PPP2R2C: variants seen among roughly 807,000 people sequenced by gnomAD.
PPP2R2C encodes protein phosphatase 2, regulatory subunit B, gamma.
PPP2R2C carries 10 observed loss-of-function variants against 45.3 expected under a neutral mutation model. The ratio of observed to expected loss-of-function variants is 0.22; its 90% CI spans 0.14 to 0.37. The LOEUF (loss-of-function observed/expected upper bound fraction) is 0.37. PPP2R2C is among the 10% of genes least tolerant of loss of function. The pLI is 1.00. For synonymous variants in PPP2R2C, 257 were observed against 245.4 expected (o/e 1.05, Z -0.44); for missense variants, 308 against 619.7 (o/e 0.50, Z 5.34).
chr4:6,403,691 C>T (rs1188457353), intron 1 of PPP2R2C, among the ~76,000 whole-genome samples: 7 of 152,154 alleles, frequency 4.6e-5, no homozygotes, highest in East Asian at 1.9e-4. Context: ...GGTGAAACCC[C>T]GCCTCTACTA....
At chr4:6,488,112 A>G (rs780432933) in intron 2 of PPP2R2C, among the ~76,000 whole-genome samples, 14 of 152,118 alleles carry the variant, frequency 9.2e-5, no homozygotes, top group Non-Finnish European at 1.9e-4. Flanking sequence ...TGTATGTCCA[A>G]TCTTTCCTCT....
At chr4:6,530,325 T>C (rs1724352779) in intron 2 of PPP2R2C, among the ~76,000 whole-genome samples, 2 of 152,124 alleles carry the variant, frequency 1.3e-5, no homozygotes, top group African/African-American at 4.8e-5. Context: ...TCCGCCATTT[T>C]CCATGCACGC....
At chr4:6,465,793 T>C (rs992226401) in intron 1 of PPP2R2C, among the ~76,000 whole-genome samples, 5 of 152,210 alleles carry the variant, frequency 3.3e-5, no homozygotes, top group Non-Finnish European at 7.3e-5. Context: ...ATTTCGCATA[T>C]GGATTTTGTT....
At chr4:6,394,631 T>C (rs1716891024) in intron 1 of PPP2R2C, among the ~76,000 whole-genome samples, 1 of 152,166 alleles carries the variant, frequency 6.6e-6, no homozygotes, top group South Asian at 2.1e-4. Context: ...GATGTGCTGT[T>C]CCCATCCCAG....
At chr4:6,503,694 T>C (rs1182742934) in intron 2 of PPP2R2C, among the ~76,000 whole-genome samples, 1 of 151,976 alleles carries the variant, frequency 6.6e-6, no homozygotes, top group African/African-American at 2.4e-5. Flanking sequence ...GGCAACTTCA[T>C]TCCTAACAGA....
chr4:6,363,009 A>G (rs1043873864), intron 5 of PPP2R2C, among the ~76,000 whole-genome samples: 2 of 152,312 alleles, frequency 1.3e-5, no homozygotes, highest in African/African-American at 4.8e-5. Flanking sequence ...ACCAGTTAAC[A>G]TCGGCAGCGT....
intron 8 of PPP2R2C, among the ~76,000 whole-genome samples, chr4:6,327,399 G>C (rs972735794): frequency 3.3e-5 from 5 of 152,200 alleles, no homozygotes; most frequent in Admixed American, 1.3e-4. Flanking sequence ...TGTCAGCCTG[G>C]GGATGCTTGG....
At chr4:6,361,698 C>T (rs1188173046) in intron 5 of PPP2R2C, among the ~76,000 whole-genome samples, 1 of 152,212 alleles carries the variant, frequency 6.6e-6, no homozygotes, top group Non-Finnish European at 1.5e-5. Flanking sequence ...CTAGGAGGGT[C>T]TGTGGTGAAT....
Position 6,365,104 on chromosome 4 carries a change from T to C in PPP2R2C, c.625+7419A>G, listed in dbSNP as rs143627378. ...CCTCTTTTGGGCAGCAGACAACCCATACAACTGTACTCGCAGGCCCTGGCA... is the reference window on the plus strand; with the variant it reads ...CCTCTTTTGGGCAGCAGACAACCCACACAACTGTACTCGCAGGCCCTGGCA... On this transcript the variant is annotated intron_variant, in intron 5 of 8. Transcript: ENST00000382599. 1.9e-3 allele frequency among the ~76,000 whole-genome samples: 292 copies of C among 152,282 alleles called. 2 individuals carry two copies. Among genetic ancestry groups the C allele is most frequent in the African/African-American group, 6.4e-3 (266 of 41,556 alleles).
chr4:6,407,822 C>T (rs1717903500), intron 1 of PPP2R2C, among the ~76,000 whole-genome samples: 1 of 152,298 alleles, frequency 6.6e-6, no homozygotes, highest in Admixed American at 6.5e-5. Context: ...CAAAGTAAAG[C>T]CATCATTTAG....
chr4:6,483,309 T>C (rs988029393), intron 2 of PPP2R2C, among the ~76,000 whole-genome samples: 1 of 152,196 alleles, frequency 6.6e-6, no homozygotes, highest in Non-Finnish European at 1.5e-5. Context: ...CCACTTTTTA[T>C]GTTTTTATAG....
chr4:6,532,992 GC>G (rs1724455393), intron 2 of PPP2R2C, among the ~76,000 whole-genome samples: 1 of 152,256 alleles, frequency 6.6e-6, no homozygotes, highest in Non-Finnish European at 1.5e-5. Context: ...GCACGGTGAA[GC>G]CCACGCTCTG....
intron 2 of PPP2R2C, among the ~76,000 whole-genome samples, chr4:6,486,959 T>C (rs1560580678): frequency 6.6e-6 from 1 of 152,110 alleles, no homozygotes. Flanking sequence ...AATTAAGCAT[T>C]GTTCAATTAT....
intron 1 of PPP2R2C, among the ~76,000 whole-genome samples, chr4:6,425,149 CA>C (rs1719213759): frequency 6.6e-6 from 1 of 152,186 alleles, no homozygotes; most frequent in Non-Finnish European, 1.5e-5. Context: ...ACATGAGAGT[CA>C]GGGGGCCTTC....
chr4:6,455,992 G>T (rs978630896), intron 1 of PPP2R2C, among the ~76,000 whole-genome samples: 3 of 146,240 alleles, frequency 2.1e-5, no homozygotes, highest in South Asian at 2.1e-4. Flanking sequence ...AAATCCTGGG[G>T]GGGGGGAGCT....
chr4:6,360,758 G>A (rs1267425007), intron 5 of PPP2R2C, among the ~76,000 whole-genome samples: 2 of 152,236 alleles, frequency 1.3e-5, no homozygotes, highest in East Asian at 1.9e-4. Flanking sequence ...ATTCCTGGCT[G>A]CCATAGCAAA....
intron 1 of PPP2R2C, among the ~76,000 whole-genome samples, chr4:6,461,233 G>A (rs926772243): frequency 6.6e-6 from 1 of 152,188 alleles, no homozygotes; most frequent in Non-Finnish European, 1.5e-5. Context: ...CAGGGAGAGG[G>A]GAGGGTCAGG....
chr4:6,382,555 T>G, intron 1 of PPP2R2C: 2 of 1,323,692 alleles, frequency 1.5e-6, no homozygotes, highest in South Asian at 1.2e-5. Flanking sequence ...CCTCTGCAGC[T>G]TCCCCAGTCT....
chr4:6,504,949 G>A (rs1723173008), intron 2 of PPP2R2C, among the ~76,000 whole-genome samples: 1 of 151,990 alleles, frequency 6.6e-6, no homozygotes, highest in African/African-American at 2.4e-5. Context: ...GAAGTTCAGC[G>A]AATCTCAAGC....
Sources: allele counts gnomAD v4.1 joint callset (sites outside exome capture counted in the v4.1 genomes callset), GRCh38; gene constraint gnomAD v4.1.1; transcripts MANE v1.5; gene names NCBI Gene and HGNC (gene_info 2026-07-23, HGNC 2026-07-21).